Variants in CHST3 observed in about 807,000 individuals in gnomAD.
CHST3 encodes carbohydrate sulfotransferase 3, also known as C6ST-1.
CHST3 carries 20 observed loss-of-function variants against 35.4 expected under a neutral mutation model. The observed-to-expected ratio is 0.57, with a 90% confidence interval of 0.40 to 0.82. The LOEUF (loss-of-function observed/expected upper bound fraction) is 0.82. CHST3 is among the 40% of genes least tolerant of loss of function. The pLI, the probability that CHST3 is intolerant of heterozygous loss-of-function variation, is 0.00. For missense variants in CHST3, 693 were observed against 670.1 expected, an observed-to-expected ratio of 1.03 and a Z score of -0.38; for synonymous variants, 334 against 295.9, an observed-to-expected ratio of 1.13 and a Z score of -1.32.
At chr10:71,994,352 T>G (rs1839922189) in intron 1 of CHST3, among the ~76,000 whole-genome samples, 1 of 152,202 alleles carries the variant, frequency 6.6e-6, no homozygotes, top group South Asian at 2.1e-4. Flanking sequence ...ATTAATGTTG[T>G]GTTAACAGGC....
intron 1 of CHST3, among the ~76,000 whole-genome samples, chr10:71,969,819 C>T (rs1016801154): frequency 2.0e-5 from 3 of 152,130 alleles, no homozygotes; most frequent in South Asian, 2.1e-4. Context: ...CAGGAGGGGC[C>T]GTGAATGCTT....
At chr10:72,003,165 G>A (rs1222137919) in intron 1 of CHST3, among the ~76,000 whole-genome samples, 1 of 152,130 alleles carries the variant, frequency 6.6e-6, no homozygotes, top group Non-Finnish European at 1.5e-5. Flanking sequence ...GCTTAGCATG[G>A]CACCTGGCAC....
At chr10:71,970,229 C>T (rs145623608) in intron 1 of CHST3, among the ~76,000 whole-genome samples, 104 of 150,622 alleles carry the variant, frequency 6.9e-4, no homozygotes, top group Middle Eastern at 3.4e-3. Context: ...CTCCAGCTGC[C>T]CTCCGTCCTC....
chr10:71,974,427 G>A (rs951542505), intron 1 of CHST3, among the ~76,000 whole-genome samples: 10 of 152,286 alleles, frequency 6.6e-5, no homozygotes, highest in Middle Eastern at 3.4e-3. Context: ...GTCTGCTGTC[G>A]CTTGAGTCTT....
Position 72,008,815 on chromosome 10 carries a change from A to C in CHST3, c.*344A>C. The C allele has an allele frequency of 1.2e-4, 24 of 202,926 alleles. No homozygotes were observed. The highest frequency in any genetic ancestry group is 1.6e-4 in the Admixed American group (3 of 18,800). The allele number at this position is 202,926 out of a possible 1,614,324, so 12.6% of individuals were successfully genotyped here. A position where few individuals can be genotyped will look rare whatever the true frequency, so the allele number is the denominator to read the frequency against. On this transcript the variant is annotated 3_prime_UTR_variant, in exon 3 of 3. Coordinates refer to ENST00000373115, the MANE Select transcript of CHST3 (RefSeq NM_004273.5). Reference sequence around the variant, plus strand: ...CAGGCCAGAGTCCAAATATTTAACAATCAGAAGGGGCAAGGCTCTGACCAG... The same window carrying C: ...CAGGCCAGAGTCCAAATATTTAACACTCAGAAGGGGCAAGGCTCTGACCAG...
At chr10:72,006,003 T>G in intron 2 of CHST3, 21 bp downstream of exon 2, 1 of 1,607,198 alleles carries the variant, frequency 6.2e-7, no homozygotes, top group Non-Finnish European at 8.5e-7. Flanking sequence ...CAAGCCCAAG[T>G]CTTCATCTTC....
At chr10:71,969,199 G>A (rs1039894287) in intron 1 of CHST3, among the ~76,000 whole-genome samples, 2 of 152,154 alleles carry the variant, frequency 1.3e-5, no homozygotes, top group African/African-American at 4.8e-5. Context: ...ACGCTCATCT[G>A]GTCCCCAGCT....
chr10:71,997,670 C>T (rs1217869149), intron 1 of CHST3, among the ~76,000 whole-genome samples: 3 of 150,514 alleles, frequency 2.0e-5, no homozygotes, highest in Non-Finnish European at 4.4e-5. Flanking sequence ...TAGAGAGACC[C>T]TGTCTCCATA....
chr10:71,987,714 CAA>C (rs386371790), intron 1 of CHST3, among the ~76,000 whole-genome samples: 10 of 88,912 alleles, frequency 1.1e-4, no homozygotes, highest in Non-Finnish European at 6.3e-5. Flanking sequence ...GAGACTGTCT[CAA>C]AAAAAAAAAA....
intron 1 of CHST3, among the ~76,000 whole-genome samples, chr10:71,973,195 G>A (rs1206855901): frequency 6.6e-6 from 1 of 152,188 alleles, no homozygotes; most frequent in Non-Finnish European, 1.5e-5. Flanking sequence ...GGACAGACAG[G>A]AAGAGTGGGA....
At chr10:72,001,485 T>G (rs1839992635) in intron 1 of CHST3, among the ~76,000 whole-genome samples, 1 of 152,042 alleles carries the variant, frequency 6.6e-6, no homozygotes, top group African/African-American at 2.4e-5. Context: ...GGTTGTTTTT[T>G]TTTTTGAGAC....
intron 1 of CHST3, among the ~76,000 whole-genome samples, chr10:71,977,185 C>T (rs554003533): frequency 6.6e-5 from 10 of 152,348 alleles, no homozygotes; most frequent in African/African-American, 2.2e-4. Flanking sequence ...TGTTGCTGCC[C>T]ACAGTCCCAG....
intron 1 of CHST3, among the ~76,000 whole-genome samples, chr10:71,965,385 A>C (rs1455185363): frequency 2.0e-5 from 3 of 152,220 alleles, no homozygotes; most frequent in African/African-American, 7.2e-5. Context: ...TGCGCTAGAC[A>C]GAAGGGTAGT....
rs1840061835 is a variant in CHST3, at chr10:72,007,921, T to C, written c.890T>C (p.Ile297Thr). The change falls in exon 3 of 3, where the codon ATC becomes ACC. Residue 297 changes from isoleucine (I) to threonine (T), a missense_variant. Physicochemically the swap from Ile to Thr is moderately conservative, Grantham distance 89 (BLOSUM62 -1). Coordinates refer to ENST00000373115, the MANE Select transcript of CHST3 (RefSeq NM_004273.5). ...GACCCCCGCCTGGACCTGCGCGTCA[T>C]CCAGCTGGTGCGCGACCCCCGGGCC... ...AEDPRLDLRVIQLVRDPRAVL... is the reference protein window; with the variant it reads ...AEDPRLDLRVTQLVRDPRAVL... 1 of 1,559,670 alleles carries C rather than the reference T, an allele frequency of 6.4e-7. No individual in the cohort carries two copies. Among genetic ancestry groups the C allele is most frequent in the African/African-American group, 1.4e-5 (1 of 73,458 alleles).
intron 1 of CHST3, among the ~76,000 whole-genome samples, chr10:71,970,403 G>T (rs138230870): frequency 6.6e-6 from 1 of 152,218 alleles, no homozygotes; most frequent in East Asian, 1.9e-4. Flanking sequence ...TCCCAGTTCA[G>T]CCTCTCCTGA....
intron 2 of CHST3, 43 bp downstream of exon 2, chr10:72,006,025 G>T (rs1316637134): frequency 2.0e-6 from 3 of 1,533,926 alleles, no homozygotes; most frequent in Non-Finnish European, 1.8e-6. Context: ...TTTCAAGGTG[G>T]GGTGGGTGGG....
intron 1 of CHST3, among the ~76,000 whole-genome samples, chr10:72,002,485 T>C (rs1470798690): frequency 6.6e-6 from 1 of 152,230 alleles, no homozygotes; most frequent in Non-Finnish European, 1.5e-5. Context: ...TCAACAGATA[T>C]GTTCCTCACA....
chr10:72,004,604 C>G (rs1054455258), intron 1 of CHST3, among the ~76,000 whole-genome samples: 1 of 152,198 alleles, frequency 6.6e-6, no homozygotes, highest in African/African-American at 2.4e-5. Flanking sequence ...CTCACTCCAC[C>G]TTCTCTCTCC....
intron 1 of CHST3, among the ~76,000 whole-genome samples, chr10:72,000,084 A>G (rs1589506217): frequency 6.6e-6 from 1 of 152,134 alleles, no homozygotes; most frequent in South Asian, 2.1e-4. Flanking sequence ...CTCAGCATGC[A>G]CCTGTGGCCC....
Sources: gnomAD v4.1 joint callset for allele counts (sites outside exome capture counted in the v4.1 genomes callset) on GRCh38, gnomAD v4.1.1 for gene constraint, MANE v1.5 for transcripts, NCBI Gene and HGNC (gene_info 2026-07-23, HGNC 2026-07-21) for gene names.